DCLK1: variants seen among roughly 807,000 people sequenced by gnomAD.
DCLK1 encodes doublecortin like kinase 1, also known as serine/threonine-protein kinase DCLK1.
A neutral mutation model predicts 86.2 loss-of-function variants in DCLK1; 16 were observed. The ratio of observed to expected loss-of-function variants is 0.19; its 90% CI spans 0.13 to 0.28. DCLK1 has a LOEUF of 0.28. Among genes scored for constraint, DCLK1 ranks in the 10% least tolerant of loss-of-function variants. DCLK1 has a pLI of 1.00. For synonymous variants in DCLK1, 369 were observed against 370.5 expected (o/e 1.00, Z 0.05); for missense variants, 590 against 940.2 (o/e 0.63, Z 4.87).
chr13:36,003,232 G>A (rs1022665857), intron 3 of DCLK1, among the ~76,000 whole-genome samples: 9 of 152,204 alleles, frequency 5.9e-5, no homozygotes, highest in African/African-American at 2.2e-4. Flanking sequence ...TCTCCAAGGA[G>A]GAGAAACTGA....
intron 4 of DCLK1, among the ~76,000 whole-genome samples, chr13:35,883,422 T>A (rs1482047494): frequency 6.6e-6 from 1 of 152,208 alleles, no homozygotes; most frequent in Non-Finnish European, 1.5e-5. Context: ...TCTCTCCATG[T>A]GATCTCTGCA....
chr13:36,015,590 A>G (rs1881508319), intron 3 of DCLK1, among the ~76,000 whole-genome samples: 1 of 152,148 alleles, frequency 6.6e-6, no homozygotes, highest in South Asian at 2.1e-4. Flanking sequence ...ATGCCTAACA[A>G]TGAGCCTGTC....
chr13:36,110,025 A>G (rs1282986712), intron 3 of DCLK1, among the ~76,000 whole-genome samples: 1 of 152,212 alleles, frequency 6.6e-6, no homozygotes. Flanking sequence ...AAAATTCTGA[A>G]GTGCAGCAGG....
At chr13:35,868,717 GCTGGCTA>G (rs746918222) in intron 5 of DCLK1, among the ~76,000 whole-genome samples, 13 of 152,144 alleles carry the variant, frequency 8.5e-5, no homozygotes, top group Non-Finnish European at 1.6e-4. Context: ...GGGGCAATAA[GCTGGCTA>G]GGCTTATGAC....
chr13:36,003,652 A>T (rs2153146263), intron 3 of DCLK1, among the ~76,000 whole-genome samples: 1 of 152,318 alleles, frequency 6.6e-6, no homozygotes, highest in South Asian at 2.1e-4. Flanking sequence ...CAGCCTATCA[A>T]AATTATATTA....
chr13:36,119,089 G>T (rs1295322966), intron 2 of DCLK1, among the ~76,000 whole-genome samples: 1 of 152,172 alleles, frequency 6.6e-6, no homozygotes, highest in Non-Finnish European at 1.5e-5. Flanking sequence ...TTTAATAAGA[G>T]CTGGAACATG....
At chr13:35,935,853 T>C (rs1466734131) in intron 4 of DCLK1, among the ~76,000 whole-genome samples, 13 of 152,334 alleles carry the variant, frequency 8.5e-5, no homozygotes, top group Admixed American at 3.9e-4. Flanking sequence ...ATTTCCTTAA[T>C]TGTAAATTTG....
chr13:35,873,260 C>CATAA (rs59429399), intron 4 of DCLK1, among the ~76,000 whole-genome samples: 3,224 of 151,708 alleles, frequency 0.021, 141 homozygotes, highest in African/African-American at 0.073. Flanking sequence ...ATCCCAAAAA[C>CATAA]ATAAATAAAT....
rs538593321 is a variant in DCLK1 at position 35,861,597 on chromosome 13, A to G, written c.941-7004T>C. Among the ~76,000 whole-genome samples the G allele has an allele frequency of 5.3e-5, 8 of 150,736 alleles. No homozygotes were observed. The South Asian group carries it at 1.7e-3, about 31-fold the overall frequency. ...CTCACTGCTGAATCCTACGATCCCC[A>G]TTCAGTTCTCATGCTACCTGACATC... On this transcript the variant is annotated intron_variant, in intron 5 of 16. Transcript: ENST00000360631.
chr13:35,871,398 T>A, intron 4 of DCLK1, 58 bp from the exon 5 acceptor site: 1 of 1,338,020 alleles, frequency 7.5e-7, no homozygotes, highest in Non-Finnish European at 1.1e-6. Context: ...ACACACCAAC[T>A]CAAAATGCAC....
chr13:35,846,861 G>T, intron 6 of DCLK1: 3 of 985,226 alleles, frequency 3.0e-6, no homozygotes, highest in Non-Finnish European at 3.6e-6. Flanking sequence ...CATACAGCAA[G>T]TATATTCAAA....
chr13:35,939,053 G>T (rs1267100934), intron 4 of DCLK1, among the ~76,000 whole-genome samples: 1 of 152,166 alleles, frequency 6.6e-6, no homozygotes, highest in Non-Finnish European at 1.5e-5. Flanking sequence ...TTTGGCTGTT[G>T]ATTAAATTGG....
At chr13:36,020,489 G>T (rs1008561644) in intron 3 of DCLK1, among the ~76,000 whole-genome samples, 5 of 152,124 alleles carry the variant, frequency 3.3e-5, no homozygotes, top group African/African-American at 1.2e-4. Context: ...TAAGGAAGAA[G>T]AGTCAGCTTT....
chr13:35,857,796 A>G (rs1198915773), intron 5 of DCLK1, among the ~76,000 whole-genome samples: 3 of 152,156 alleles, frequency 2.0e-5, no homozygotes, highest in African/African-American at 7.2e-5. Context: ...ATGAAGGAAA[A>G]GTGTCCTCAG....
At position 35,828,115 on chromosome 13, in the gene DCLK1, T is replaced by C. The variant is rs144040815; in HGVS notation, c.1287+135A>G. 969 of 686,988 alleles carry C rather than the reference T, an allele frequency of 1.4e-3. 6 individuals carry two copies. Among genetic ancestry groups the C allele is most frequent in the African/African-American group, 6.6e-3 (373 of 56,254 alleles). 42.6% of individuals were successfully genotyped at this position (686,988 alleles called of 1,614,324 possible). On this transcript the variant is annotated intron_variant, in intron 9 of 16. Coordinates refer to ENST00000360631, the MANE Select transcript of DCLK1 (RefSeq NM_001330071.2). The stretch of plus-strand genomic sequence containing the variant: ...CCCAGGGATATACATAAAGTTATAT[T>C]CTAGTAAGTGTATAACATTCTATTC...
At chr13:35,840,094 C>T (rs1015269002) in intron 6 of DCLK1, among the ~76,000 whole-genome samples, 1 of 152,168 alleles carries the variant, frequency 6.6e-6, no homozygotes. Flanking sequence ...GGCATTGGCT[C>T]ATGGTGCCGG....
intron 3 of DCLK1, among the ~76,000 whole-genome samples, chr13:36,041,252 T>C (rs115666064): frequency 4.7e-4 from 72 of 152,308 alleles, no homozygotes; most frequent in African/African-American, 1.7e-3. Flanking sequence ...AACTCTAATC[T>C]ACAACTTGCA....
At chr13:35,834,412 G>A (rs1869200424) in intron 8 of DCLK1, among the ~76,000 whole-genome samples, 1 of 152,178 alleles carries the variant, frequency 6.6e-6, no homozygotes, top group South Asian at 2.1e-4. Flanking sequence ...GGTTAAAAGT[G>A]TGGTTTTTGG....
At chr13:36,117,396 A>T (rs1403590781) in intron 2 of DCLK1, among the ~76,000 whole-genome samples, 1 of 152,200 alleles carries the variant, frequency 6.6e-6, no homozygotes, top group Non-Finnish European at 1.5e-5. Flanking sequence ...TCTTGTACCT[A>T]TTATAATTGC....
Sources: allele counts gnomAD v4.1 joint callset (sites outside exome capture counted in the v4.1 genomes callset), GRCh38; gene constraint gnomAD v4.1.1; transcripts MANE v1.5; gene names NCBI Gene and HGNC (gene_info 2026-07-23, HGNC 2026-07-21).